Variants in PPP6R3 observed in about 807,000 individuals in gnomAD.
PPP6R3 encodes serine/threonine-protein phosphatase 6 regulatory subunit 3.
Under a neutral mutation model 110.7 loss-of-function variants are expected in PPP6R3, and 38 were observed. The ratio of observed to expected loss-of-function variants is 0.34; its 90% CI spans 0.26 to 0.45. The LOEUF is 0.45. PPP6R3 is among the 20% of genes least tolerant of loss of function. The probability of loss-of-function intolerance (pLI) is 1.00; values close to 1 mark genes in which losing one functional copy is unlikely to be tolerated. For missense variants in PPP6R3, 870 were observed against 1,062.4 expected (o/e 0.82, Z 2.52); for synonymous variants, 369 against 373.5 (o/e 0.99, Z 0.14).
chr11:68,602,568 A>G (rs1449793500), intron 21 of PPP6R3, among the ~76,000 whole-genome samples: 1 of 152,176 alleles, frequency 6.6e-6, no homozygotes, highest in Non-Finnish European at 1.5e-5. Context: ...ACGAATCATG[A>G]GGTGGGCTTA....
chr11:68,548,236 G>C, intron 5 of PPP6R3, 32 bp downstream of exon 5: 2 of 1,612,184 alleles, frequency 1.2e-6, no homozygotes, highest in Non-Finnish European at 1.7e-6. Flanking sequence ...TGTTGACTGG[G>C]GTTAGGGTGC....
chr11:68,571,665 C>T lies in PPP6R3; in HGVS notation c.1343+561C>T, dbSNP rs969898137. 7.9e-5 allele frequency among the ~76,000 whole-genome samples: 12 copies of T among 152,216 alleles called. 1 individual carries two copies. Among genetic ancestry groups the T allele is most frequent in the Admixed American group, 7.2e-4 (11 of 15,280 alleles). On this transcript the variant is annotated intron_variant, in intron 12 of 23. Coordinates refer to ENST00000393800, the MANE Select transcript of PPP6R3 (RefSeq NM_001164161.2). ...TACAGGTGTTGTCTGTAACAGCATT[C>T]CTCTCTAGTGCCCTGGAAGCCTTTA...
At chr11:68,540,795 AAG>A (rs1300040973) in intron 3 of PPP6R3, among the ~76,000 whole-genome samples, 1 of 152,172 alleles carries the variant, frequency 6.6e-6, no homozygotes, top group Non-Finnish European at 1.5e-5. Flanking sequence ...TTGCTTTTGA[AAG>A]AAGAGAAATA....
chr11:68,476,616 T>C (rs1210513634), intron 1 of PPP6R3, among the ~76,000 whole-genome samples: 1 of 152,194 alleles, frequency 6.6e-6, no homozygotes. Flanking sequence ...TGCTATAAGT[T>C]TTGCTATGTA....
intron 14 of PPP6R3, among the ~76,000 whole-genome samples, chr11:68,577,530 G>C (rs2099536586): frequency 6.6e-6 from 1 of 152,198 alleles, no homozygotes; most frequent in African/African-American, 2.4e-5. Context: ...AATTAAGCTT[G>C]TTACCAGACT....
At chr11:68,588,935 A>T (rs2099587246) in intron 16 of PPP6R3, among the ~76,000 whole-genome samples, 1 of 151,906 alleles carries the variant, frequency 6.6e-6, no homozygotes, top group Non-Finnish European at 1.5e-5. Flanking sequence ...GGCCTGGCAT[A>T]GTGGCTCACA....
chr11:68,496,059 A>C (rs563506813), intron 1 of PPP6R3, among the ~76,000 whole-genome samples: 1 of 151,776 alleles, frequency 6.6e-6, no homozygotes, highest in South Asian at 2.1e-4. Flanking sequence ...GTCACAGCTC[A>C]CTGCATGATA....
intron 2 of PPP6R3, among the ~76,000 whole-genome samples, chr11:68,524,746 A>T (rs909744532): frequency 3.3e-5 from 5 of 152,132 alleles, no homozygotes; most frequent in Admixed American, 2.6e-4. Flanking sequence ...TGACTTACCC[A>T]TTATTAGCTC....
chr11:68,579,389 C>T (rs887144273), intron 14 of PPP6R3, among the ~76,000 whole-genome samples: 1 of 152,162 alleles, frequency 6.6e-6, no homozygotes. Flanking sequence ...AATTTTATTT[C>T]GAAAGAAGAT....
At chr11:68,474,106 A>G (rs1350489347) in intron 1 of PPP6R3, among the ~76,000 whole-genome samples, 1 of 148,140 alleles carries the variant, frequency 6.8e-6, no homozygotes, top group African/African-American at 2.5e-5. Context: ...GCACTGTGGC[A>G]TGATCATAGC....
In PPP6R3 at chr11:68,591,699, C is replaced by G; in HGVS notation, c.1909C>G (p.Arg637Gly). 1 of 1,609,072 alleles carries G rather than the reference C, an allele frequency of 6.2e-7. No homozygotes were observed. Among genetic ancestry groups the G allele is most frequent in the Non-Finnish European group, 8.5e-7 (1 of 1,178,442 alleles). ...HIAFTPESQR[R>G]SSSGSTDSEE... ...CGCATTCACACCAGAATCCCAAAGA[C>G]GATCCAGGTGAAAGATAGTTGGTTA... is the stretch of plus-strand genomic sequence containing the variant. The change falls in exon 18 of 24, where the codon CGA becomes GGA. Residue 637 changes from arginine to glycine, a missense_variant. By Grantham distance (125) the Arg-to-Gly change is moderately radical (BLOSUM62 -2). Coordinates refer to ENST00000393800, the MANE Select transcript of PPP6R3 (RefSeq NM_001164161.2).
At chr11:68,549,102 G>A (rs1329066652) in intron 5 of PPP6R3, among the ~76,000 whole-genome samples, 1 of 152,148 alleles carries the variant, frequency 6.6e-6, no homozygotes, top group South Asian at 2.1e-4. Flanking sequence ...TGTTGGCCAG[G>A]CTGGTCTCGA....
At chr11:68,503,959 T>TG (rs1186938910) in intron 1 of PPP6R3, among the ~76,000 whole-genome samples, 3 of 152,136 alleles carry the variant, frequency 2.0e-5, no homozygotes, top group African/African-American at 7.2e-5. Flanking sequence ...CACACATCAC[T>TG]GGGGGAATAT....
At chr11:68,560,976 A>G (rs559229941) in intron 8 of PPP6R3, among the ~76,000 whole-genome samples, 76 of 147,106 alleles carry the variant, frequency 5.2e-4, no homozygotes, top group African/African-American at 1.9e-3. Flanking sequence ...GGCTCACTGC[A>G]AGCTCCGCCT....
At chr11:68,557,336 TAGAA>T (rs1356278895) in intron 7 of PPP6R3, among the ~76,000 whole-genome samples, 4 of 152,094 alleles carry the variant, frequency 2.6e-5, no homozygotes, top group East Asian at 1.9e-4. Context: ...TTCCCCAAAA[TAGAA>T]AGAGATTCTC....
At chr11:68,611,089 T>C (rs1258866058) in intron 23 of PPP6R3, among the ~76,000 whole-genome samples, 1 of 152,176 alleles carries the variant, frequency 6.6e-6, no homozygotes, top group Admixed American at 6.5e-5. Flanking sequence ...GTGAAGGCTT[T>C]TGGGGGAAGA....
At chr11:68,469,569 A>G (rs1311202259) in intron 1 of PPP6R3, among the ~76,000 whole-genome samples, 2 of 151,422 alleles carry the variant, frequency 1.3e-5, no homozygotes, top group Admixed American at 1.3e-4. Flanking sequence ...TGTAGAGACA[A>G]GATCTTCCGA....
chr11:68,483,965 C>G (rs1362207815), intron 1 of PPP6R3, among the ~76,000 whole-genome samples: 1 of 152,204 alleles, frequency 6.6e-6, no homozygotes, highest in African/African-American at 2.4e-5. Flanking sequence ...GAATGTCATA[C>G]ATTGTTTATG....
intron 1 of PPP6R3, among the ~76,000 whole-genome samples, chr11:68,514,421 A>G (rs1349746529): frequency 6.6e-6 from 1 of 151,740 alleles, no homozygotes; most frequent in East Asian, 1.9e-4. Flanking sequence ...TTATGAATGT[A>G]GTTTGTCTGC....
Sources: allele counts gnomAD v4.1 joint callset (sites outside exome capture counted in the v4.1 genomes callset), GRCh38; gene constraint gnomAD v4.1.1; transcripts MANE v1.5; gene names NCBI Gene and HGNC (gene_info 2026-07-23, HGNC 2026-07-21).